Variants in ASTN2 observed in about 807,000 individuals in gnomAD.
The protein encoded by ASTN2 is astrotactin 2.
ASTN2 carries 54 observed loss-of-function variants against 139.8 expected under a neutral mutation model. The observed-to-expected ratio is 0.39, with a 90% CI of 0.31 to 0.48. The LOEUF (loss-of-function observed/expected upper bound fraction) is 0.48, where lower values mean the gene tolerates loss of function less well. Ranked by LOEUF, ASTN2 falls within the 20% of genes least tolerant of loss-of-function variation. The pLI, the probability that ASTN2 is intolerant of heterozygous loss-of-function variation, is 0.95. For synonymous variants in ASTN2, 756 were observed against 719.5 expected, an observed-to-expected ratio of 1.05 and a Z score of -0.81; for missense variants, 1,565 against 1,725.1, an observed-to-expected ratio of 0.91 and a Z score of 1.64.
At chr9:116,965,800 G>T (rs1306751702) in intron 10 of ASTN2, among the ~76,000 whole-genome samples, 1 of 152,212 alleles carries the variant, frequency 6.6e-6, no homozygotes, top group Non-Finnish European at 1.5e-5. Context: ...GCCATGGAAT[G>T]ATGAATGGGT....
At chr9:117,105,813 TCA>T (rs1829089166) in intron 4 of ASTN2, among the ~76,000 whole-genome samples, 1 of 152,166 alleles carries the variant, frequency 6.6e-6, no homozygotes, top group South Asian at 2.1e-4. Context: ...TATTATCATC[TCA>T]CAGATATTGC....
chr9:116,843,018 C>T (rs896193637), intron 11 of ASTN2, among the ~76,000 whole-genome samples: 2 of 152,166 alleles, frequency 1.3e-5, no homozygotes, highest in Admixed American at 6.5e-5. Flanking sequence ...ACATTTTGCC[C>T]TCAGCCAGGC....
intron 16 of ASTN2, among the ~76,000 whole-genome samples, chr9:116,691,867 A>G (rs956795484): frequency 6.6e-6 from 1 of 152,250 alleles, no homozygotes; most frequent in African/African-American, 2.4e-5. Flanking sequence ...GAAAGCTGAC[A>G]TAAAAGGAAA....
At chr9:116,945,491 G>A (rs1835369569) in intron 10 of ASTN2, among the ~76,000 whole-genome samples, 1 of 152,116 alleles carries the variant, frequency 6.6e-6, no homozygotes, top group African/African-American at 2.4e-5. Context: ...AGTCCAAACT[G>A]AGGCTGAGAA....
chr9:116,429,253 TG>T (rs1336875308), intron 22 of ASTN2, among the ~76,000 whole-genome samples: 1 of 150,292 alleles, frequency 6.7e-6, no homozygotes, highest in South Asian at 2.1e-4. Context: ...GCTGGAGAAT[TG>T]CTTGAACCCA....
chr9:116,546,166 A>C (rs1479708144), intron 19 of ASTN2: 1 of 152,246 alleles, frequency 6.6e-6, no homozygotes, highest in African/African-American at 2.4e-5. Context: ...ACTGAGTATT[A>C]GATGATGGGG....
intron 19 of ASTN2, among the ~76,000 whole-genome samples, chr9:116,570,428 G>A (rs993368131): frequency 4.0e-5 from 6 of 151,434 alleles, no homozygotes; most frequent in Admixed American, 3.3e-4. Context: ...TCACTCGGTC[G>A]CCCCGGCTCC....
At chr9:117,234,556 A>G (rs1398127503) in intron 2 of ASTN2, among the ~76,000 whole-genome samples, 1 of 152,214 alleles carries the variant, frequency 6.6e-6, no homozygotes, top group East Asian at 1.9e-4. Flanking sequence ...TGACATTGTT[A>G]GGATTATCAC....
At chr9:117,167,513 C>T (rs148578375) in intron 3 of ASTN2, among the ~76,000 whole-genome samples, 243 of 152,124 alleles carry the variant, frequency 1.6e-3, no homozygotes, top group African/African-American at 5.5e-3. Flanking sequence ...ATACAACAAA[C>T]GCTCAAAATA....
In ASTN2 at chr9:117,214,644, G is replaced by C; in HGVS notation, c.729C>G (p.Ser243Arg). Reference protein sequence around the residue: ...WQKRRRIPQKSASTEATHEIH... With the variant: ...WQKRRRIPQKRASTEATHEIH... The stretch of plus-strand genomic sequence containing the variant: ...TCTCATGAGTGGCTTCTGTGCTTGC[G>C]CTCTTCTGGGGGATGCGGCGACGCT... Residue 243 changes from serine (S) to arginine (R), a missense_variant, in exon 3 of 23, where the codon AGC becomes AGG. Physicochemically the swap from Ser to Arg is moderately radical, Grantham distance 110. Around this residue, in one of 4 missense-constraint regions of ASTN2, gnomAD observed 596 missense variants for 576.8 expected, o/e 1.03. Transcript: ENST00000313400. The C allele has an allele frequency of 1.3e-6, 2 of 1,574,692 alleles. No homozygotes were observed. Among genetic ancestry groups the C allele is most frequent in the Non-Finnish European group, 1.7e-6 (2 of 1,153,080 alleles).
At chr9:116,445,127 T>C (rs1261999274) in intron 20 of ASTN2, among the ~76,000 whole-genome samples, 1 of 152,166 alleles carries the variant, frequency 6.6e-6, no homozygotes, top group Non-Finnish European at 1.5e-5. Flanking sequence ...ACAAGTCATT[T>C]AACACAGTAC....
chr9:117,235,897 C>G (rs572140566), intron 2 of ASTN2, among the ~76,000 whole-genome samples: 6 of 152,134 alleles, frequency 3.9e-5, no homozygotes, highest in Non-Finnish European at 7.3e-5. Flanking sequence ...AGGGAGAAAA[C>G]ATATTTTCAT....
intron 13 of ASTN2, among the ~76,000 whole-genome samples, chr9:116,803,665 C>T (rs1195698674): frequency 3.3e-5 from 5 of 150,578 alleles, no homozygotes; most frequent in African/African-American, 1.2e-4. Flanking sequence ...GCTGGGACTA[C>T]AGGCGCCTGC....
At chr9:116,575,662 TGA>T (rs1853695564) in intron 19 of ASTN2, among the ~76,000 whole-genome samples, 1 of 152,174 alleles carries the variant, frequency 6.6e-6, no homozygotes, top group South Asian at 2.1e-4. Context: ...AGGCACTGTC[TGA>T]GAGAGTCTGC....
chr9:117,410,523 T>C (rs1831131025), intron 1 of ASTN2, among the ~76,000 whole-genome samples: 1 of 152,236 alleles, frequency 6.6e-6, no homozygotes, highest in African/African-American at 2.4e-5. Context: ...AGAGCTCATC[T>C]ACCCACTCAT....
chr9:117,120,018 G>GTATGTATATATATATATATATATATA (rs1554780401), intron 4 of ASTN2, among the ~76,000 whole-genome samples: 3 of 45,998 alleles, frequency 6.5e-5, no homozygotes, highest in Non-Finnish European at 1.2e-4. Flanking sequence ...GTGTGTGTGT[G>GTATGTATATATATATATATATATATA]TATATATATA....
At chr9:117,034,011 G>C (rs542500762) in intron 6 of ASTN2, among the ~76,000 whole-genome samples, 1 of 152,066 alleles carries the variant, frequency 6.6e-6, no homozygotes, top group African/African-American at 2.4e-5. Flanking sequence ...AGGTCATTAG[G>C]TATCTACAGT....
At chr9:117,082,861 C>T (rs915796357) in intron 5 of ASTN2, among the ~76,000 whole-genome samples, 1 of 152,140 alleles carries the variant, frequency 6.6e-6, no homozygotes, top group East Asian at 1.9e-4. Context: ...CATGGAGGTT[C>T]AAGTGCAGGC....
intron 7 of ASTN2, among the ~76,000 whole-genome samples, chr9:116,990,013 TTCTC>T (rs1836805427): frequency 6.6e-6 from 1 of 152,206 alleles, no homozygotes; most frequent in Non-Finnish European, 1.5e-5. Context: ...CTATTTGTCT[TTCTC>T]TATGTCTCCT....
Sources: allele counts gnomAD v4.1 joint callset (sites outside exome capture counted in the v4.1 genomes callset), GRCh38; gene constraint gnomAD v4.1.1; regional missense constraint gnomAD v4.1.1; transcripts MANE v1.5; gene names NCBI Gene and HGNC (gene_info 2026-07-23, HGNC 2026-07-21).